Variants in E2F5 observed in about 807,000 individuals in gnomAD.
The protein encoded by E2F5 is E2F transcription factor 5, also known as transcription factor E2F5.
E2F5 carries 23 observed loss-of-function variants against 39.1 expected under a neutral mutation model. The ratio of observed to expected loss-of-function variants is 0.59; its 90% CI spans 0.42 to 0.83. E2F5 has a LOEUF of 0.83. Among genes scored for constraint, E2F5 ranks in the 40% least tolerant of loss-of-function variants. E2F5 has a pLI of 0.00. For synonymous variants in E2F5, 145 were observed against 157.8 expected (o/e 0.92, Z 0.61); for missense variants, 365 against 406.7 (o/e 0.90, Z 0.88).
chr8:85,204,501 A>G (rs1185327947), intron 3 of E2F5, among the ~76,000 whole-genome samples: 1 of 130,726 alleles, frequency 7.6e-6, no homozygotes, highest in African/African-American at 2.9e-5. Flanking sequence ...ATGAGAACAC[A>G]TGGACACAGG....
intron 4 of E2F5, 77 bp from the exon 5 acceptor site, chr8:85,207,348 C>A: frequency 7.8e-7 from 1 of 1,283,482 alleles, no homozygotes; most frequent in Non-Finnish European, 1.1e-6. Context: ...CACTCTGATT[C>A]CAGAGCCCAC....
At position 85,206,219 on chromosome 8, in the gene E2F5, T is replaced by C; in HGVS notation, c.549T>C (p.Asn183=). The change falls in exon 4 of 8, where the codon AAT becomes AAC. Residue 183 remains asparagine, a splice_region_variant and synonymous_variant. Coordinates refer to ENST00000416274, the MANE Select transcript of E2F5 (RefSeq NM_001951.4). ...VTHEDICNCF[N]GDTLLAIQAP... is the part of the protein sequence containing the mutation. ...ATGAAGACATCTGTAATTGCTTTAA[T>C]GGTAAGTACCATTAGACTTTTCCTT... The C allele has an allele frequency of 2.5e-6, 4 of 1,613,026 alleles. No individual in the cohort carries two copies. Among genetic ancestry groups the C allele is most frequent in the Non-Finnish European group, 3.4e-6 (4 of 1,179,438 alleles).
chr8:85,192,519 T>C (rs4150893), intron 1 of E2F5, among the ~76,000 whole-genome samples: 97,313 of 151,950 alleles, frequency 0.64, 31,847 homozygotes, highest in Non-Finnish European at 0.69. Flanking sequence ...AAGAGAAAAG[T>C]CTGAGGGTAT....
chr8:85,212,163 C>CTAT lies in E2F5; in HGVS notation c.893_895dup (p.Ile298dup). On this transcript the variant is annotated inframe_insertion, in exon 7 of 8. Coordinates refer to ENST00000416274, the MANE Select transcript of E2F5 (RefSeq NM_001951.4). The stretch of plus-strand genomic sequence containing the variant: ...ACTTTATTACTGTTTCCAGCAGGAT[C>CTAT]TATTAGTGGAGATATCATTGATGAG... 1 of 1,609,460 alleles carries CTAT rather than the reference C, an allele frequency of 6.2e-7. No homozygotes were observed. Among genetic ancestry groups the CTAT allele is most frequent in the Non-Finnish European group, 8.5e-7 (1 of 1,177,410 alleles).
intron 5 of E2F5, among the ~76,000 whole-genome samples, chr8:85,208,190 T>C (rs887805800): frequency 2.0e-5 from 3 of 152,096 alleles, no homozygotes; most frequent in Non-Finnish European, 4.4e-5. Flanking sequence ...TAGCCGGGCA[T>C]GGTGGTGCAT....
At position 85,177,215 on chromosome 8, in the gene E2F5, T is replaced by G; in HGVS notation, c.-206T>G. The G allele has an allele frequency of 2.6e-5, 6 of 229,006 alleles. No homozygotes were observed. The highest frequency in any genetic ancestry group is 4.3e-5 in the Non-Finnish European group (6 of 138,426). The allele number at this position is 229,006 out of a possible 1,614,324, so 14.2% of individuals were successfully genotyped here. ...GGCCTCATTCACGCTTCCCCGGGCT[T>G]GGGGAGGGGGCGGAGGCCCGGCGTG... On this transcript the variant is annotated 5_prime_UTR_variant, in exon 1 of 8. Coordinates refer to ENST00000416274, the MANE Select transcript of E2F5 (RefSeq NM_001951.4).
intron 6 of E2F5, among the ~76,000 whole-genome samples, chr8:85,211,315 G>A (rs894568101): frequency 7.2e-5 from 11 of 151,928 alleles, no homozygotes; most frequent in Admixed American, 2.0e-4. Context: ...AAAGTGGGAG[G>A]ATTGCAAGCC....
intron 1 of E2F5, among the ~76,000 whole-genome samples, chr8:85,185,596 A>G (rs869256738): frequency 6.6e-6 from 1 of 152,262 alleles, no homozygotes; most frequent in African/African-American, 2.4e-5. Context: ...ATGGGAGAAG[A>G]TCTTTGCAAT....
chr8:85,195,636 C>T (rs1030264348), intron 1 of E2F5, among the ~76,000 whole-genome samples: 2 of 151,932 alleles, frequency 1.3e-5, no homozygotes, highest in Admixed American at 6.6e-5. Flanking sequence ...ACTGCAGGCA[C>T]GTACCAACTT....
chr8:85,189,900 A>G (rs1286074115), intron 1 of E2F5, among the ~76,000 whole-genome samples: 1 of 152,142 alleles, frequency 6.6e-6, no homozygotes, highest in African/African-American at 2.4e-5. Context: ...CGCTTTTCAC[A>G]CTGTGAGGGG....
At chr8:85,189,532 G>A (rs1812416276) in intron 1 of E2F5, among the ~76,000 whole-genome samples, 1 of 151,916 alleles carries the variant, frequency 6.6e-6, no homozygotes, top group African/African-American at 2.4e-5. Context: ...ACCATGCCTG[G>A]GTAATTTTTG....
intron 3 of E2F5, among the ~76,000 whole-genome samples, chr8:85,205,941 C>T (rs1812794359): frequency 6.6e-6 from 1 of 152,186 alleles, no homozygotes; most frequent in Non-Finnish European, 1.5e-5. Context: ...TGCTTTCCAT[C>T]TCTCTCCTAA....
intron 3 of E2F5, among the ~76,000 whole-genome samples, chr8:85,204,835 C>T (rs1812768506): frequency 6.6e-6 from 1 of 152,178 alleles, no homozygotes; most frequent in African/African-American, 2.4e-5. Context: ...TTAATCATCC[C>T]AGGGTCAGGT....
intron 1 of E2F5, among the ~76,000 whole-genome samples, chr8:85,186,676 AGGTATATAT>A (rs1317602900): frequency 6.8e-6 from 1 of 147,138 alleles, no homozygotes; most frequent in Non-Finnish European, 1.5e-5. Flanking sequence ...TATATATGTA[AGGTATATAT>A]GGTATATATA....
intron 1 of E2F5, among the ~76,000 whole-genome samples, chr8:85,190,447 A>G (rs942327948): frequency 2.0e-5 from 3 of 151,148 alleles, no homozygotes; most frequent in African/African-American, 7.3e-5. Context: ...GGAAAGGGGA[A>G]CTAAGGTCAA....
intron 1 of E2F5, among the ~76,000 whole-genome samples, chr8:85,187,049 G>A (rs1447305124): frequency 2.0e-5 from 3 of 151,176 alleles, no homozygotes; most frequent in African/African-American, 7.3e-5. Flanking sequence ...ATATTTTTCA[G>A]TTTCCCTTTG....
rs1563984332 is a variant in E2F5, at chr8:85,211,640, G to GT, written c.884-515dup. Among the ~76,000 whole-genome samples the GT allele has an allele frequency of 5.9e-4, 48 of 81,092 alleles. 2 individuals are homozygous for GT. Among genetic ancestry groups the GT allele is most frequent in the African/African-American group, 2.7e-3 (43 of 15,896 alleles). 53.2% of individuals were successfully genotyped at this position (81,092 alleles called of 152,430 possible). ...TGGTAGAATGATGATGAGGTTTGTT[G>GT]TTGTTTTTTTTTTTTTTTTTTTTTT... On this transcript the variant is annotated intron_variant, in intron 6 of 7. Transcript: ENST00000416274.
intron 1 of E2F5, among the ~76,000 whole-genome samples, chr8:85,180,382 C>A (rs10091710): frequency 3.4e-4 from 51 of 151,126 alleles, no homozygotes; most frequent in Non-Finnish European, 6.5e-4. Flanking sequence ...TATAAATTTC[C>A]TCTAATTTGA....
intron 1 of E2F5, among the ~76,000 whole-genome samples, chr8:85,182,427 C>T (rs978452428): frequency 6.6e-6 from 1 of 152,116 alleles, no homozygotes. Flanking sequence ...GAAATTAGAC[C>T]ATTTATTGTT....
Sources: allele counts gnomAD v4.1 joint callset (sites outside exome capture counted in the v4.1 genomes callset), GRCh38; gene constraint gnomAD v4.1.1; transcripts MANE v1.5; gene names NCBI Gene and HGNC (gene_info 2026-07-23, HGNC 2026-07-21).